Variants in AGFG2 observed in about 807,000 individuals in gnomAD.
AGFG2 encodes the protein ArfGAP with FG repeats 2.
In AGFG2, 31 loss-of-function variants were observed where a neutral mutation model predicts 48.0. The observed-to-expected ratio is 0.65, with a 90% confidence interval of 0.49 to 0.87. The LOEUF (loss-of-function observed/expected upper bound fraction) is 0.87. AGFG2 is among the 40% of genes least tolerant of loss of function. AGFG2 has a pLI of 0.00. For missense variants in AGFG2, 599 were observed against 632.6 expected, an observed-to-expected ratio of 0.95 and a Z score of 0.57; for synonymous variants, 229 against 260.8, an observed-to-expected ratio of 0.88 and a Z score of 1.18.
intron 4 of AGFG2, 65 bp from the exon 5 acceptor site, chr7:100,554,028 A>G (rs1800703580): frequency 6.5e-7 from 1 of 1,543,936 alleles, no homozygotes; most frequent in African/African-American, 1.4e-5. Context: ...CAACCTGGGG[A>G]GCCAGAGGAG....
intron 1 of AGFG2, among the ~76,000 whole-genome samples, chr7:100,539,845 G>T (rs1157384247): frequency 6.6e-6 from 1 of 152,064 alleles, no homozygotes; most frequent in African/African-American, 2.4e-5. Flanking sequence ...TCCCCGAGGG[G>T]GTCGAGGCAA....
At chr7:100,551,092 CAG>C (rs1368681698) in intron 3 of AGFG2, among the ~76,000 whole-genome samples, 5 of 97,746 alleles carry the variant, frequency 5.1e-5, no homozygotes, top group Non-Finnish European at 9.8e-5. Context: ...TTTTTTGAGA[CAG>C]AGTCTCGCTC....
At chr7:100,560,978 A>ATT (rs1167654964) in intron 6 of AGFG2, among the ~76,000 whole-genome samples, 10 of 135,716 alleles carry the variant, frequency 7.4e-5, no homozygotes, top group African/African-American at 1.1e-4. Flanking sequence ...TGCCTGGCTA[A>ATT]TTTTTTTTTT....
chr7:100,563,153 C>A (rs542334509), intron 9 of AGFG2, among the ~76,000 whole-genome samples: 4 of 152,364 alleles, frequency 2.6e-5, no homozygotes, highest in South Asian at 2.1e-4. Context: ...TGGCTACTTA[C>A]CGGAGACCGC....
rs1800702397 is a variant in AGFG2, at chr7:100,553,954, C to T, written c.586-139C>T. On this transcript the variant is annotated intron_variant, in intron 4 of 11. Transcript: ENST00000300176. The stretch of plus-strand genomic sequence containing the variant: ...GAGAGGGGCTAAGGCAGCTCCTGCC[C>T]AGGAATCTTCTAGGTTGAGGGCAGT... The T allele has an allele frequency of 6.7e-6, 7 of 1,043,974 alleles. No individual in the cohort carries two copies. In the South Asian group the frequency reaches 1.2e-4, roughly 18 times the overall value. 64.7% of individuals were successfully genotyped at this position (1,043,974 alleles called of 1,614,324 possible).
Position 100,560,722 on chromosome 7 carries a change from T to C in AGFG2, c.878-1537T>C, listed in dbSNP as rs367613408. Among the ~76,000 whole-genome samples the C allele has an allele frequency of 1.4e-4, 21 of 152,084 alleles. No homozygotes were observed. In the East Asian group the frequency reaches 4.1e-3, roughly 29 times the overall value. ...CAGCAGGTAGGCACTGGGCACTTCG[T>C]CTTCCCTACTAGATTCTCAGCTTCA... On this transcript the variant is annotated intron_variant, in intron 6 of 11. Transcript: ENST00000300176.
chr7:100,539,213 G>A lies in AGFG2; in HGVS notation c.-134G>A. On this transcript the variant is annotated 5_prime_UTR_variant, in exon 1 of 12. Coordinates refer to ENST00000300176, the MANE Select transcript of AGFG2 (RefSeq NM_006076.5). ...ACGGGCAAGGAGGGTGGTGGACGGC[G>A]AAGTCTCCTGCGGATGCCGCCCGCT... is the stretch of plus-strand genomic sequence containing the variant. 2.3e-6 allele frequency: 2 copies of A among 883,728 alleles called. No homozygotes were observed. The highest frequency in any genetic ancestry group is 3.0e-6 in the Non-Finnish European group (2 of 659,924). The allele number at this position is 883,728 out of a possible 1,614,324, so 54.7% of individuals were successfully genotyped here.
chr7:100,563,406 G>C (rs537029796), intron 9 of AGFG2, among the ~76,000 whole-genome samples: 2 of 152,250 alleles, frequency 1.3e-5, no homozygotes, highest in African/African-American at 4.8e-5. Context: ...TTGAGGCTGG[G>C]GAGAGAGGAA....
intron 10 of AGFG2, 58 bp downstream of exon 10, chr7:100,564,020 G>A: frequency 6.3e-7 from 1 of 1,589,256 alleles, no homozygotes; most frequent in Non-Finnish European, 8.6e-7. Context: ...ATAGAGATCA[G>A]TTAGTTGTTC....
rs1441973770 is a variant in AGFG2 at position 100,567,868 on chromosome 7, C to CT, written c.*2881dup. Reference sequence around the variant, plus strand: ...ACCAGGGCTACCGGCTGAAATAAATCTTTTCCGGGTAGGGTCAAGGGCAGT... The same window carrying CT: ...ACCAGGGCTACCGGCTGAAATAAATCTTTTTCCGGGTAGGGTCAAGGGCAGT... On this transcript the variant is annotated 3_prime_UTR_variant, in exon 12 of 12. Transcript: ENST00000300176. The CT allele has an allele frequency of 6.6e-6, 1 of 152,436 alleles. No individual in the cohort carries two copies. The highest frequency in any genetic ancestry group is 1.9e-4 in the East Asian group (1 of 5,186). 9.4% of individuals were successfully genotyped at this position (152,436 alleles called of 1,614,324 possible).
At chr7:100,555,263 G>GGT (rs1440849118) in intron 5 of AGFG2, among the ~76,000 whole-genome samples, 1 of 75,148 alleles carries the variant, frequency 1.3e-5, no homozygotes, top group Admixed American at 1.4e-4. Context: ...TGTGTGTGTG[G>GGT]TTTTTTTTTT....
chr7:100,553,624 T>A, intron 4 of AGFG2, 124 bp downstream of exon 4: 1 of 1,179,664 alleles, frequency 8.5e-7, no homozygotes, highest in Non-Finnish European at 1.2e-6. Context: ...GGGTCTCGGC[T>A]CTGCTGTTAA....
intron 1 of AGFG2, among the ~76,000 whole-genome samples, chr7:100,545,817 C>T (rs1406734118): frequency 1.3e-5 from 2 of 152,204 alleles, no homozygotes; most frequent in African/African-American, 4.8e-5. Flanking sequence ...TGCAGCACAC[C>T]TAGGCCACAT....
chr7:100,551,304 C>T (rs182133018), intron 3 of AGFG2, among the ~76,000 whole-genome samples: 3,063 of 150,950 alleles, frequency 0.02, 47 homozygotes, highest in Non-Finnish European at 0.032. Context: ...CTCCTGACCT[C>T]GTGATCCGCC....
At chr7:100,547,970 A>G (rs1473988505) in intron 1 of AGFG2, among the ~76,000 whole-genome samples, 2 of 152,040 alleles carry the variant, frequency 1.3e-5, no homozygotes, top group African/African-American at 4.8e-5. Flanking sequence ...TTGTCACCAT[A>G]TCCTGTTTTT....
At chr7:100,564,113 C>A in intron 10 of AGFG2, 105 bp from the exon 11 acceptor site, 2 of 1,529,108 alleles carry the variant, frequency 1.3e-6, no homozygotes, top group Non-Finnish European at 1.8e-6. Context: ...CCGGGTACTT[C>A]CACTGCTCTG....
Position 100,555,263 on chromosome 7 carries a change from GTTTTTTTTTTTTTTT to G in AGFG2, c.752-333_752-319del, listed in dbSNP as rs1166680394. Among the ~76,000 whole-genome samples, 4 of 75,148 alleles carry G rather than the reference GTTTTTTTTTTTTTTT, an allele frequency of 5.3e-5. 1 individual carries two copies. Among genetic ancestry groups the G allele is most frequent in the African/African-American group, 2.4e-4 (4 of 16,430 alleles). The allele number at this position is 75,148 out of a possible 152,430, so 49.3% of individuals were successfully genotyped here. The stretch of plus-strand genomic sequence containing the variant: ...TTTCTTTTTCTGTTGTGTGTGTGTG[GTTTTTTTTTTTTTTT>G]TTTTTTTTTTTTTGAGTCAGAGTCT... On this transcript the variant is annotated intron_variant, in intron 5 of 11. Transcript: ENST00000300176.
In AGFG2 at chr7:100,563,739, T is replaced by A. The variant is rs975531741; in HGVS notation, c.1172-95T>A. 5.8e-6 allele frequency: 9 copies of A among 1,553,278 alleles called. No homozygotes were observed. In the African/African-American group the frequency reaches 1.1e-4, roughly 19 times the overall value. On this transcript the variant is annotated intron_variant, in intron 9 of 11. Transcript: ENST00000300176. ...CGTTCCTCATGTCAGGAAAAAACTA[T>A]ATCCCATTTTCCCATCTTGGAGGGA...
intron 4 of AGFG2, 61 bp downstream of exon 4, chr7:100,553,561 T>G: frequency 6.5e-7 from 1 of 1,546,830 alleles, no homozygotes; most frequent in South Asian, 1.2e-5. Flanking sequence ...AGTGTCAGTT[T>G]CCTGAATCAG....
Sources: allele counts gnomAD v4.1 joint callset (sites outside exome capture counted in the v4.1 genomes callset), GRCh38; gene constraint gnomAD v4.1.1; transcripts MANE v1.5; gene names NCBI Gene and HGNC (gene_info 2026-07-23, HGNC 2026-07-21).